DMD: variants seen among roughly 807,000 people sequenced by gnomAD.
DMD encodes mutant dystrophin.
Under a neutral mutation model 330.1 loss-of-function variants are expected in DMD, and 63 were observed. The observed-to-expected ratio is 0.19, with a 90% CI of 0.16 to 0.24. The LOEUF (loss-of-function observed/expected upper bound fraction) is 0.24, where lower values mean the gene tolerates loss of function less well. DMD is among the 10% of genes least tolerant of loss of function. The pLI is 1.00. For missense variants in DMD, 3,344 were observed against 2,684.1 expected (o/e 1.25, Z -5.43); for synonymous variants, 1,223 against 959.8 (o/e 1.27, Z -5.07).
At chrX:31,875,121 G>T in intron 48 of DMD, 67 bp downstream of exon 48, 1 of 950,672 alleles carries the variant, frequency 1.1e-6, no homozygotes, top group East Asian at 3.3e-5. Flanking sequence ...TACCAAATGA[G>T]AAAATTCAGT....
chrX:33,316,966 G>A (rs2053940793), intron 1 of DMD, among the ~76,000 whole-genome samples: 1 of 109,131 alleles, frequency 9.2e-6, no homozygotes, highest in Admixed American at 9.8e-5. Flanking sequence ...TCATTTTTGG[G>A]GAATAATAGT....
chrX:32,051,494 C>A (rs1229398947), intron 44 of DMD, among the ~76,000 whole-genome samples: 2 of 109,117 alleles, frequency 1.8e-5, no homozygotes, highest in East Asian at 5.8e-4. Flanking sequence ...CTAAAAATGG[C>A]CTACTTTTTA....
intron 2 of DMD, among the ~76,000 whole-genome samples, chrX:32,980,702 TATC>T (rs966389071): frequency 1.7e-4 from 19 of 111,717 alleles, no homozygotes; most frequent in Non-Finnish European, 2.3e-4. Flanking sequence ...CTTAAAAATT[TATC>T]ATGTCTTCAT....
Position 31,481,167 on chromosome X carries a change from T to C in DMD, c.8548-2064A>G, listed in dbSNP as rs185542124. 8.9e-5 allele frequency among the ~76,000 whole-genome samples: 10 copies of C among 112,329 alleles called. No individual in the cohort carries two copies. In the East Asian group the frequency reaches 2.8e-3, roughly 31 times the overall value. On this transcript the variant is annotated intron_variant, in intron 57 of 78. Transcript: ENST00000357033. ...TATTGCTATCTGGAAATACATTAGA[T>C]TTTTAAACCAGAATTTGAAGCTCTG...
At chrX:31,784,282 G>A (rs5927862) in intron 50 of DMD, among the ~76,000 whole-genome samples, 12,977 of 110,940 alleles carry the variant, frequency 0.12, 645 homozygotes, top group East Asian at 0.23. Context: ...AATGAAGAAC[G>A]AAAACCACAA....
chrX:31,316,050 AAGTTATAC>A (rs2055982383), intron 62 of DMD, among the ~76,000 whole-genome samples: 2 of 112,281 alleles, frequency 1.8e-5, no homozygotes, highest in Admixed American at 9.4e-5. Flanking sequence ...AGGTTGAGCT[AAGTTATAC>A]TCCTTATCAT....
chrX:32,905,412 T>G (rs1353234322), intron 2 of DMD, among the ~76,000 whole-genome samples: 1 of 111,456 alleles, frequency 9.0e-6, no homozygotes, highest in Non-Finnish European at 1.9e-5. Context: ...AATGCAACTT[T>G]TTGCTATTGA....
chrX:32,657,836 C>A (rs978929348), intron 9 of DMD, among the ~76,000 whole-genome samples: 1 of 111,273 alleles, frequency 9.0e-6, no homozygotes, highest in African/African-American at 3.3e-5. Flanking sequence ...TTTTCAAATA[C>A]GTCTCATGGA....
intron 7 of DMD, among the ~76,000 whole-genome samples, chrX:32,789,188 T>TA (rs1201592124): frequency 8.9e-6 from 1 of 112,196 alleles, no homozygotes; most frequent in Non-Finnish European, 1.9e-5. Flanking sequence ...GAGAATGTTT[T>TA]GATGGCCAGT....
chrX:33,130,615 C>T (rs1232498598), intron 1 of DMD, among the ~76,000 whole-genome samples: 1 of 108,774 alleles, frequency 9.2e-6, no homozygotes, highest in African/African-American at 3.4e-5. Flanking sequence ...AGTGCAATGG[C>T]GTGATCTCGG....
At chrX:31,690,452 T>G (rs1433461351) in intron 52 of DMD, among the ~76,000 whole-genome samples, 1 of 111,632 alleles carries the variant, frequency 9.0e-6, no homozygotes, top group Non-Finnish European at 1.9e-5. Context: ...TGGCAATCAT[T>G]AAAAAGTCAG....
chrX:31,656,722 T>C (rs1332858348), intron 54 of DMD, among the ~76,000 whole-genome samples: 2 of 111,914 alleles, frequency 1.8e-5, no homozygotes, highest in Non-Finnish European at 3.8e-5. Context: ...AGCCTTGCCA[T>C]TGAGAAAAAG....
At chrX:31,426,082 T>A (rs961200516) in intron 60 of DMD, among the ~76,000 whole-genome samples, 5 of 111,798 alleles carry the variant, frequency 4.5e-5, no homozygotes, top group African/African-American at 1.6e-4. Flanking sequence ...CCCAGGGGAT[T>A]CTGATGCATA....
intron 5 of DMD, among the ~76,000 whole-genome samples, chrX:32,818,280 C>A (rs959887409): frequency 1.1e-4 from 12 of 111,746 alleles, no homozygotes; most frequent in African/African-American, 3.9e-4. Flanking sequence ...ACAAAGTATT[C>A]AATCCAAAAC....
intron 1 of DMD, among the ~76,000 whole-genome samples, chrX:33,308,114 T>C (rs1159425242): frequency 8.9e-6 from 1 of 112,540 alleles, no homozygotes; most frequent in Non-Finnish European, 1.9e-5. Flanking sequence ...ATTGTGAATG[T>C]GCCATAAATG....
chrX:31,398,901 C>T (rs186810011), intron 60 of DMD, among the ~76,000 whole-genome samples: 1 of 111,924 alleles, frequency 8.9e-6, no homozygotes, highest in East Asian at 2.8e-4. Flanking sequence ...TGGTCCACCC[C>T]TCATGGAAGG....
chrX:32,187,196 ATATGTT>A (rs902229933), intron 44 of DMD, among the ~76,000 whole-genome samples: 67 of 110,791 alleles, frequency 6.0e-4, no homozygotes, highest in African/African-American at 2.0e-3. Context: ...CAGGGGATAT[ATATGTT>A]TATATCATCT....
At chrX:31,284,557 T>TTTCTTCTTCTTCTTTCTTCTTCTTCTTC (rs2052896374) in intron 62 of DMD, among the ~76,000 whole-genome samples, 2 of 78,066 alleles carry the variant, frequency 2.6e-5, no homozygotes, top group African/African-American at 1.0e-4. Flanking sequence ...TAACGAACTG[T>TTTCTTCTTCTTCTTTCTTCTTCTTCTTC]TTCTTCTTCT....
intron 51 of DMD, among the ~76,000 whole-genome samples, chrX:31,761,622 C>T (rs1298040535): frequency 8.9e-6 from 1 of 111,869 alleles, no homozygotes; most frequent in Non-Finnish European, 1.9e-5. Flanking sequence ...CCTAATACCA[C>T]GTATATTGAT....
Sources: gnomAD v4.1 joint callset for allele counts (sites outside exome capture counted in the v4.1 genomes callset) on GRCh38, gnomAD v4.1.1 for gene constraint, MANE v1.5 for transcripts, NCBI Gene and HGNC (gene_info 2026-07-23, HGNC 2026-07-21) for gene names.